TSPEAR: variants seen among roughly 807,000 people sequenced by gnomAD.
TSPEAR encodes thrombospondin type laminin G domain and EAR repeats, also known as thrombospondin-type laminin G domain and EAR repeat-containing protein.
A neutral mutation model predicts 71.6 loss-of-function variants in TSPEAR; 69 were observed. The ratio of observed to expected loss-of-function variants is 0.96; its 90% CI spans 0.79 to 1.18. TSPEAR has a LOEUF of 1.18. Among genes scored for constraint, TSPEAR ranks in the 50% most tolerant of loss-of-function variants. The pLI is 0.00. For synonymous variants in TSPEAR, 402 were observed against 387.2 expected (o/e 1.04, Z -0.45); for missense variants, 971 against 894.9 (o/e 1.09, Z -1.09).
chr21:44,544,289 CATA>C (rs1394784346), intron 2 of TSPEAR, among the ~76,000 whole-genome samples: 2 of 129,902 alleles, frequency 1.5e-5, no homozygotes, highest in African/African-American at 6.9e-5. Flanking sequence ...CAATAGTAAT[CATA>C]ATAAGACAAA....
At chr21:44,591,524 G>A (rs1555926531) in intron 1 of TSPEAR, 2 of 1,613,252 alleles carry the variant, frequency 1.2e-6, no homozygotes, top group Non-Finnish European at 8.5e-7. Context: ...CCACAGGAGG[G>A]GACGGGCACG....
chr21:44,534,438 GGTGTGAGGGGGCGGGGCTGGT>G (rs1376899496), intron 2 of TSPEAR, among the ~76,000 whole-genome samples: 1 of 135,124 alleles, frequency 7.4e-6, no homozygotes, highest in Non-Finnish European at 1.6e-5. Flanking sequence ...GGGCAGGGTT[GGTGTGAGGGGGCGGGGCTGGT>G]GTGTGAGGGG....
chr21:44,568,306 G>A (rs757227545), intron 1 of TSPEAR, among the ~76,000 whole-genome samples: 13 of 152,210 alleles, frequency 8.5e-5, no homozygotes, highest in Non-Finnish European at 1.5e-4. Flanking sequence ...GCCAGGCACT[G>A]TGCAGGGTGA....
chr21:44,697,566 C>T (rs1555950881), intron 1 of TSPEAR: 2 of 1,613,632 alleles, frequency 1.2e-6, no homozygotes, highest in East Asian at 2.2e-5. Flanking sequence ...TGCTGTATGC[C>T]CGTCTGCTGT....
intron 2 of TSPEAR, among the ~76,000 whole-genome samples, chr21:44,547,531 G>C (rs1176293826): frequency 1.3e-5 from 2 of 152,296 alleles, no homozygotes; most frequent in Middle Eastern, 3.4e-3. Context: ...GCAGTTTGCT[G>C]TTGCTGATTG....
intron 1 of TSPEAR, among the ~76,000 whole-genome samples, chr21:44,581,688 C>CTG (rs1465592541): frequency 1.0e-3 from 1 of 958 alleles, no homozygotes; most frequent in African/African-American, 7.2e-3. Flanking sequence ...TTAAAAATAA[C>CTG]TCATCTCTCA....
intron 1 of TSPEAR, among the ~76,000 whole-genome samples, chr21:44,614,054 T>A (rs1056888224): frequency 6.6e-6 from 1 of 152,082 alleles, no homozygotes; most frequent in Admixed American, 6.5e-5. Flanking sequence ...CTGCCGTAGG[T>A]CCCTCACCTG....
intron 1 of TSPEAR, among the ~76,000 whole-genome samples, chr21:44,603,704 C>T (rs2146157710): frequency 6.6e-6 from 1 of 152,332 alleles, no homozygotes; most frequent in Middle Eastern, 3.4e-3. Context: ...CTCCAAGGGG[C>T]CATTCTCAGC....
Position 44,531,143 on chromosome 21 carries a change from T to C in TSPEAR, c.543-10A>G. On this transcript the variant is annotated splice_polypyrimidine_tract_variant and intron_variant, in intron 3 of 11. Coordinates refer to ENST00000323084, the MANE Select transcript of TSPEAR (RefSeq NM_144991.3). ...GGGCACATCGGCCATTCTGAAAATATCAAAGGACTGTGTTAGGGCCATAGG... is the reference window on the plus strand; with the variant it reads ...GGGCACATCGGCCATTCTGAAAATACCAAAGGACTGTGTTAGGGCCATAGG... The C allele has an allele frequency of 1.2e-6, 2 of 1,612,086 alleles. No individual in the cohort carries two copies. The highest frequency in any genetic ancestry group is 1.7e-6 in the Non-Finnish European group (2 of 1,178,678).
intron 1 of TSPEAR, chr21:44,697,123 C>G: frequency 1.3e-6 from 2 of 1,573,678 alleles, no homozygotes; most frequent in Non-Finnish European, 1.7e-6. Context: ...CTCACTCCCT[C>G]CTTCCCATCC....
intron 2 of TSPEAR, chr21:44,558,599 C>T (rs371451976): frequency 1.2e-4 from 189 of 1,611,548 alleles, no homozygotes; most frequent in East Asian, 4.2e-4. Flanking sequence ...GGCAGGGGGC[C>T]GGGGCGCAGC....
At chr21:44,641,446 A>G (rs1984016202) in intron 1 of TSPEAR, among the ~76,000 whole-genome samples, 1 of 152,140 alleles carries the variant, frequency 6.6e-6, no homozygotes, top group Non-Finnish European at 1.5e-5. Flanking sequence ...GCAAGGATTG[A>G]CCCAAACCCA....
intron 1 of TSPEAR, among the ~76,000 whole-genome samples, chr21:44,629,527 C>A (rs1395321297): frequency 1.1e-4 from 16 of 152,350 alleles, no homozygotes; most frequent in African/African-American, 3.6e-4. Flanking sequence ...AGGACTTCAA[C>A]ATGTGAATTC....
intron 1 of TSPEAR, chr21:44,647,799 G>T (rs898346155): frequency 1.6e-4 from 36 of 229,120 alleles, no homozygotes; most frequent in African/African-American, 7.8e-4. Context: ...GGCTTTGAAA[G>T]CAAATGTGAT....
chr21:44,673,403 A>C (rs1009930295), intron 1 of TSPEAR, among the ~76,000 whole-genome samples: 6 of 152,214 alleles, frequency 3.9e-5, no homozygotes, highest in African/African-American at 1.4e-4. Context: ...TTCTTAAGAG[A>C]ATATTACAAT....
chr21:44,527,157 A>C, intron 7 of TSPEAR, 135 bp downstream of exon 7: 1 of 810,076 alleles, frequency 1.2e-6, no homozygotes, highest in South Asian at 1.7e-5. Context: ...CGACTCTGTC[A>C]GCCTTTTACC....
chr21:44,504,027 A>G (rs114967863), intron 11 of TSPEAR, among the ~76,000 whole-genome samples: 3,177 of 75,894 alleles, frequency 0.042, 137 homozygotes, highest in African/African-American at 0.13. Flanking sequence ...AGCCCTCAGC[A>G]GGAAGCAAGG....
At chr21:44,640,693 C>T (rs1983976162) in intron 1 of TSPEAR, among the ~76,000 whole-genome samples, 1 of 152,200 alleles carries the variant, frequency 6.6e-6, no homozygotes, top group South Asian at 2.1e-4. Context: ...CAGACCAGGT[C>T]AGTAAGGATT....
At chr21:44,535,269 A>G (rs587595605) in intron 2 of TSPEAR, among the ~76,000 whole-genome samples, 18 of 152,374 alleles carry the variant, frequency 1.2e-4, no homozygotes, top group African/African-American at 3.6e-4. Context: ...AAGAACGTAT[A>G]CAAATGCGGT....
Sources: gnomAD v4.1 joint callset for allele counts (sites outside exome capture counted in the v4.1 genomes callset) on GRCh38, gnomAD v4.1.1 for gene constraint, MANE v1.5 for transcripts, NCBI Gene and HGNC (gene_info 2026-07-23, HGNC 2026-07-21) for gene names.